The following NCALD variants were observed in gnomAD, a reference collection of about 807,000 sequenced individuals.
NCALD encodes the protein neurocalcin delta.
In NCALD, 10 loss-of-function variants were observed where a neutral mutation model predicts 18.6. The observed-to-expected ratio is 0.54, with a 90% CI of 0.33 to 0.91. The LOEUF is 0.91. Ranked by LOEUF, NCALD falls within the 40% of genes least tolerant of loss-of-function variation. The probability of loss-of-function intolerance (pLI) is 0.03; values close to 1 mark genes in which losing one functional copy is unlikely to be tolerated. For synonymous variants in NCALD, 88 were observed against 87.4 expected, an observed-to-expected ratio of 1.01 and a Z score of -0.04; for missense variants, 184 against 247.6, an observed-to-expected ratio of 0.74 and a Z score of 1.72.
At chr8:101,939,970 G>A (rs188616273) in intron 2 of NCALD, among the ~76,000 whole-genome samples, 1 of 152,304 alleles carries the variant, frequency 6.6e-6, no homozygotes, top group African/African-American at 2.4e-5. Context: ...TACTATAAAA[G>A]ACCAAAATCT....
Position 101,739,065 on chromosome 8 carries a change from G to T in NCALD, c.-19-19417C>A, listed in dbSNP as rs1170620581. Among the ~76,000 whole-genome samples the T allele has an allele frequency of 3.9e-5, 6 of 152,082 alleles. No homozygotes were observed. In the East Asian group the frequency reaches 1.2e-3, roughly 29 times the overall value. On this transcript the variant is annotated intron_variant, in intron 1 of 3. Transcript: ENST00000220931. ...CCCTACTCCCATATCCTCATGGCTT[G>T]AATGTCTCCATCCCCAATATTCTCA...
chr8:102,099,221 C>T (rs951953273), intron 1 of NCALD, among the ~76,000 whole-genome samples: 19 of 152,162 alleles, frequency 1.2e-4, no homozygotes, highest in African/African-American at 4.1e-4. Context: ...ACAAAACAGT[C>T]CTGAGTAGTA....
At chr8:102,086,043 T>C (rs983830358) in intron 1 of NCALD, among the ~76,000 whole-genome samples, 8 of 152,118 alleles carry the variant, frequency 5.3e-5, no homozygotes, top group Admixed American at 2.6e-4. Flanking sequence ...GCAGTAAACA[T>C]TGCATTTGGG....
intron 4 of NCALD, among the ~76,000 whole-genome samples, chr8:101,803,555 T>C (rs934557397): frequency 6.6e-6 from 1 of 152,214 alleles, no homozygotes; most frequent in African/African-American, 2.4e-5. Flanking sequence ...TAAATAGTGA[T>C]TCCTCTGATG....
In NCALD at chr8:102,051,238, A is replaced by G. The variant is rs75597403; in HGVS notation, c.-209-30949T>C. Among the ~76,000 whole-genome samples the G allele has an allele frequency of 3.8e-3, 581 of 152,176 alleles. 12 individuals are homozygous for G. In the East Asian group the frequency reaches 0.062, roughly 16 times the overall value. On this transcript the variant is annotated intron_variant, in intron 1 of 6. Transcript: ENST00000311028. ...TTTGGATCCTGGCTCCACCCCTAGGATCGGTGTGACCCTAAGCAAGTCATC... is the reference window on the plus strand; with the variant it reads ...TTTGGATCCTGGCTCCACCCCTAGGGTCGGTGTGACCCTAAGCAAGTCATC...
chr8:101,765,115 C>T (rs56035156), intron 1 of NCALD, among the ~76,000 whole-genome samples: 3,955 of 152,240 alleles, frequency 0.026, 178 homozygotes, highest in African/African-American at 0.088. Context: ...CCTTTAGGAA[C>T]AAGATGTATA....
intron 2 of NCALD, among the ~76,000 whole-genome samples, chr8:101,925,716 C>T (rs1818313914): frequency 6.6e-6 from 1 of 152,052 alleles, no homozygotes; most frequent in Admixed American, 6.5e-5. Flanking sequence ...AACCCCATAC[C>T]TAATAGGTGC....
chr8:101,898,185 G>A (rs1817280383), intron 3 of NCALD, among the ~76,000 whole-genome samples: 1 of 152,160 alleles, frequency 6.6e-6, no homozygotes, highest in African/African-American at 2.4e-5. Flanking sequence ...TTAGCAGTGT[G>A]AGAACAGACT....
chr8:101,816,011 C>T (rs1277943413), intron 4 of NCALD, among the ~76,000 whole-genome samples: 5 of 152,068 alleles, frequency 3.3e-5, no homozygotes, highest in African/African-American at 1.2e-4. Flanking sequence ...TCCTTAAATA[C>T]ATATTACTAA....
In NCALD at chr8:102,002,620, G is replaced by C. The variant is rs917454782; in HGVS notation, c.-157+17617C>G. Among the ~76,000 whole-genome samples the C allele has an allele frequency of 6.6e-5, 10 of 152,076 alleles. No individual in the cohort carries two copies. The East Asian group carries it at 7.7e-4, about 12-fold the overall frequency. Reference sequence around the variant, plus strand: ...CACCTATTCCAAAACTGACCACATAGTTGGAAGTAAAGCACTCCTCAGCAA... The same window carrying C: ...CACCTATTCCAAAACTGACCACATACTTGGAAGTAAAGCACTCCTCAGCAA... On this transcript the variant is annotated intron_variant, in intron 2 of 6. Transcript: ENST00000311028.
intron 3 of NCALD, chr8:101,690,938 T>G (rs1252001014): frequency 1.0e-6 from 1 of 985,334 alleles, no homozygotes; most frequent in African/African-American, 1.7e-5. Flanking sequence ...GCATGACGTC[T>G]GGCTTTCTTC....
intron 4 of NCALD, among the ~76,000 whole-genome samples, chr8:101,799,479 TA>T (rs1812758627): frequency 6.6e-6 from 1 of 152,200 alleles, no homozygotes. Context: ...CCTGCTTGCT[TA>T]TAGCAGCTAG....
At chr8:101,908,655 T>C (rs970781519) in intron 3 of NCALD, among the ~76,000 whole-genome samples, 1 of 152,206 alleles carries the variant, frequency 6.6e-6, no homozygotes, top group South Asian at 2.1e-4. Flanking sequence ...GCACTGAGCA[T>C]GTACTCATAC....
intron 1 of NCALD, among the ~76,000 whole-genome samples, chr8:101,785,523 T>C (rs1021514941): frequency 1.1e-4 from 17 of 152,136 alleles, no homozygotes; most frequent in Non-Finnish European, 2.1e-4. Context: ...TGGAGGACTG[T>C]GTGGAGCAGA....
chr8:101,834,288 C>T (rs1465337794), intron 4 of NCALD, among the ~76,000 whole-genome samples: 3 of 152,244 alleles, frequency 2.0e-5, no homozygotes, highest in Non-Finnish European at 4.4e-5. Flanking sequence ...CCGGTGTCCC[C>T]CTGCTGGGGC....
intron 1 of NCALD, among the ~76,000 whole-genome samples, chr8:101,788,057 TAAAAG>T (rs1812300065): frequency 6.6e-6 from 1 of 152,078 alleles, no homozygotes; most frequent in South Asian, 2.1e-4. Context: ...AGGAGGAAAA[TAAAAG>T]AAAGTTACAA....
rs572562700 is a variant in NCALD, at chr8:101,874,864, T to C, written c.-20+12277A>G. Reference sequence around the variant, plus strand: ...TTTTAACTCCTCTCCTCTTCCTAAGTAGAACAGGAGGGAGGGGTATAAGCG... The same window carrying C: ...TTTTAACTCCTCTCCTCTTCCTAAGCAGAACAGGAGGGAGGGGTATAAGCG... On this transcript the variant is annotated intron_variant, in intron 4 of 6. Coordinates refer to the NCALD transcript ENST00000311028. 1.1e-3 allele frequency among the ~76,000 whole-genome samples: 174 copies of C among 151,820 alleles called. 2 individuals carry two copies. The South Asian group carries it at 0.02, about 18-fold the overall frequency.
chr8:101,984,331 T>A (rs1314320846), intron 2 of NCALD, among the ~76,000 whole-genome samples: 3 of 152,222 alleles, frequency 2.0e-5, no homozygotes, highest in Admixed American at 6.5e-5. Context: ...TAGGGTTTCA[T>A]TACATAGTCT....
At position 101,688,812 on chromosome 8, in the gene NCALD, G is replaced by A; in HGVS notation, c.*497C>T. ...TGGGCCCCCATGGGGAAATGTCCCA[G>A]CTCGCTGGAATAGCCTCACCCCAGA... On this transcript the variant is annotated 3_prime_UTR_variant, in exon 4 of 4. Transcript: ENST00000220931. 1.6e-6 allele frequency: 1 copy of A among 624,330 alleles called. No individual in the cohort carries two copies. The highest frequency in any genetic ancestry group is 3.0e-6 in the Non-Finnish European group (1 of 338,700). The allele number at this position is 624,330 out of a possible 1,614,324, so 38.7% of individuals were successfully genotyped here.
Sources: gnomAD v4.1 joint callset for allele counts (sites outside exome capture counted in the v4.1 genomes callset) on GRCh38, gnomAD v4.1.1 for gene constraint, MANE v1.5 for transcripts, NCBI Gene and HGNC (gene_info 2026-07-23, HGNC 2026-07-21) for gene names.